Variants in SPMIP2 observed in about 807,000 individuals in gnomAD.
SPMIP2 encodes the protein protein SPMIP2.
At chr4:158,966,612 T>C in the SPMIP2 span, among the ~76,000 whole-genome samples, 1 of 152,330 alleles carries the variant, frequency 6.6e-6, no homozygotes, top group Non-Finnish European at 1.5e-5. Flanking sequence ...ATCTGTGACA[T>C]ATCCTTAATT....
chr4:158,896,798 T>G, the SPMIP2 span, among the ~76,000 whole-genome samples: 1 of 151,990 alleles, frequency 6.6e-6, no homozygotes, highest in African/African-American at 2.4e-5. Context: ...TTGCTTTTGT[T>G]TATATCTCTC....
At chr4:158,992,733 G>A in the SPMIP2 span, among the ~76,000 whole-genome samples, 9 of 152,216 alleles carry the variant, frequency 5.9e-5, no homozygotes. Context: ...GCATCTTCTG[G>A]AGGGGAGGAA....
the SPMIP2 span, among the ~76,000 whole-genome samples, chr4:159,058,043 T>C: frequency 6.6e-6 from 1 of 152,110 alleles, no homozygotes; most frequent in East Asian, 1.9e-4. Context: ...TTTTGTAATT[T>C]TTGTAGAGCT....
the SPMIP2 span, among the ~76,000 whole-genome samples, chr4:159,010,098 G>A: frequency 6.6e-6 from 1 of 152,188 alleles, no homozygotes; most frequent in Non-Finnish European, 1.5e-5. Context: ...ATAAACATAT[G>A]CCCTGATGTA....
the SPMIP2 span, among the ~76,000 whole-genome samples, chr4:158,969,224 T>C: frequency 1.2e-4 from 19 of 152,100 alleles, no homozygotes; most frequent in Admixed American, 7.9e-4. Flanking sequence ...GGAGTCCCCA[T>C]TGAGGTTGGG....
the SPMIP2 span, among the ~76,000 whole-genome samples, chr4:159,067,028 T>C: frequency 2.6e-5 from 4 of 152,250 alleles, no homozygotes; most frequent in South Asian, 2.1e-4. Context: ...CCAATAAAAA[T>C]TGGTCTTTCA....
the SPMIP2 span, among the ~76,000 whole-genome samples, chr4:158,973,955 C>A: frequency 8.2e-6 from 1 of 122,170 alleles, no homozygotes; most frequent in East Asian, 2.4e-4. Context: ...CACTGCACTC[C>A]AGCTTGGGCA....
At chr4:159,052,823 C>T in the SPMIP2 span, among the ~76,000 whole-genome samples, 2 of 149,908 alleles carry the variant, frequency 1.3e-5, no homozygotes, top group African/African-American at 2.4e-5. Context: ...TTAGTAGAGA[C>T]GGGGGTTTCT....
At chr4:158,954,778 A>T in the SPMIP2 span, among the ~76,000 whole-genome samples, 1 of 152,242 alleles carries the variant, frequency 6.6e-6, no homozygotes, top group Non-Finnish European at 1.5e-5. Context: ...CATATTATTT[A>T]TTAAAGGCCT....
the SPMIP2 span, among the ~76,000 whole-genome samples, chr4:159,028,969 C>A: frequency 6.6e-6 from 1 of 152,118 alleles, no homozygotes; most frequent in Admixed American, 6.5e-5. Context: ...GTGGCGCACA[C>A]CTGAAATCTC....
chr4:158,896,211 G>T, the SPMIP2 span, among the ~76,000 whole-genome samples: 3 of 152,194 alleles, frequency 2.0e-5, no homozygotes, highest in African/African-American at 7.2e-5. Flanking sequence ...ACATGCAGCA[G>T]CAGCTTGTGT....
the SPMIP2 span, chr4:158,906,749 A>T: frequency 6.6e-6 from 1 of 152,132 alleles, no homozygotes; most frequent in African/African-American, 2.4e-5. Context: ...AATCCTTTAA[A>T]TATTTAACAT....
the SPMIP2 span, among the ~76,000 whole-genome samples, chr4:159,082,447 C>CTGTGTGTG: frequency 5.9e-5 from 3 of 50,584 alleles, no homozygotes; most frequent in Admixed American, 1.9e-4. Context: ...TTCCACTTTT[C>CTGTGTGTG]TCTGTGTGTG....
chr4:158,951,159 A>C, the SPMIP2 span, among the ~76,000 whole-genome samples: 1 of 152,172 alleles, frequency 6.6e-6, no homozygotes, highest in South Asian at 2.1e-4. Flanking sequence ...TGTTTCCTAA[A>C]TGCTTTGCTG....
the SPMIP2 span, among the ~76,000 whole-genome samples, chr4:159,022,330 A>G: frequency 1.3e-5 from 2 of 152,192 alleles, no homozygotes; most frequent in Admixed American, 6.5e-5. Context: ...TTATATTATC[A>G]TTTACAGAAT....
the SPMIP2 span, among the ~76,000 whole-genome samples, chr4:158,899,981 T>C: frequency 5.3e-5 from 8 of 152,348 alleles, no homozygotes; most frequent in East Asian, 1.5e-3. Context: ...CTTGTGGGCA[T>C]TTAGTGCTAT....
the SPMIP2 span, among the ~76,000 whole-genome samples, chr4:158,922,561 T>C: frequency 6.6e-6 from 1 of 152,244 alleles, no homozygotes; most frequent in Non-Finnish European, 1.5e-5. Flanking sequence ...TTAGATCATA[T>C]CATTCAATCA....
chr4:159,052,640 TA>T, the SPMIP2 span, among the ~76,000 whole-genome samples: 1 of 150,866 alleles, frequency 6.6e-6, no homozygotes, highest in Non-Finnish European at 1.5e-5. Context: ...ATTTTATTAT[TA>T]TTATTATTTG....
At chr4:158,934,964 G>C in the SPMIP2 span, among the ~76,000 whole-genome samples, 1 of 152,064 alleles carries the variant, frequency 6.6e-6, no homozygotes, top group Non-Finnish European at 1.5e-5. Flanking sequence ...TATATATCAG[G>C]TATTCTTTCT....
Sources: gnomAD v4.1 joint callset for allele counts (sites outside exome capture counted in the v4.1 genomes callset) on GRCh38, gnomAD v4.1.1 for gene constraint, MANE v1.5 for transcripts, NCBI Gene and HGNC (gene_info 2026-07-23, HGNC 2026-07-21) for gene names.